The following EVA1C variants were observed in gnomAD, a reference collection of about 807,000 sequenced individuals.
EVA1C encodes the protein eva-1 homolog C, also known as protein eva-1 homolog C.
EVA1C carries 25 observed loss-of-function variants against 45.4 expected under a neutral mutation model. The ratio of observed to expected loss-of-function variants is 0.55; its 90% CI spans 0.40 to 0.77. The LOEUF (loss-of-function observed/expected upper bound fraction) is 0.77, where lower values mean the gene tolerates loss of function less well. EVA1C is among the 30% of genes least tolerant of loss of function. The pLI is 0.00. For missense variants in EVA1C, 479 were observed against 554.8 expected (o/e 0.86, Z 1.37); for synonymous variants, 190 against 221.2 (o/e 0.86, Z 1.25).
intron 1 of EVA1C, among the ~76,000 whole-genome samples, chr21:32,447,961 T>C (rs1312252247): frequency 6.6e-6 from 1 of 152,174 alleles, no homozygotes; most frequent in Non-Finnish European, 1.5e-5. Flanking sequence ...TGCCTCGGCC[T>C]CCCAAAGTGC....
chr21:32,438,238 T>C (rs965267639), intron 1 of EVA1C, among the ~76,000 whole-genome samples: 3 of 152,216 alleles, frequency 2.0e-5, no homozygotes, highest in African/African-American at 7.2e-5. Flanking sequence ...GGCTTACACC[T>C]GTAATCCCAG....
chr21:32,457,061 T>G (rs1379145970), intron 2 of EVA1C, among the ~76,000 whole-genome samples: 1 of 152,188 alleles, frequency 6.6e-6, no homozygotes, highest in African/African-American at 2.4e-5. Context: ...TTTGTAATTT[T>G]TATTTTTTGG....
chr21:32,471,763 G>A (rs1025557518), intron 4 of EVA1C, among the ~76,000 whole-genome samples: 1 of 151,648 alleles, frequency 6.6e-6, no homozygotes, highest in East Asian at 1.9e-4. Flanking sequence ...CGAGTAACTC[G>A]AACTACAGGT....
intron 5 of EVA1C, chr21:32,497,318 T>A (rs190790516): frequency 5.9e-5 from 38 of 642,200 alleles, no homozygotes; most frequent in Non-Finnish European, 8.5e-5. Context: ...TTGATATAGG[T>A]GGACTTTTTT....
chr21:32,491,671 G>A (rs540588248), intron 4 of EVA1C, among the ~76,000 whole-genome samples: 4 of 122,946 alleles, frequency 3.3e-5, no homozygotes, highest in South Asian at 5.8e-4. Flanking sequence ...GTGACAGAGC[G>A]AGACTCTGTC....
chr21:32,444,056 ACAC>A (rs1484563905), intron 1 of EVA1C, among the ~76,000 whole-genome samples: 8 of 57,252 alleles, frequency 1.4e-4, no homozygotes, highest in African/African-American at 1.4e-3. Flanking sequence ...GTGTGAAAAC[ACAC>A]ACACACACAC....
chr21:32,476,352 T>G (rs995095712), intron 4 of EVA1C, among the ~76,000 whole-genome samples: 3 of 151,956 alleles, frequency 2.0e-5, no homozygotes, highest in African/African-American at 7.2e-5. Context: ...ATAGGGAAGT[T>G]CAAGAGGGGC....
intron 1 of EVA1C, among the ~76,000 whole-genome samples, chr21:32,448,034 C>T (rs767298726): frequency 6.6e-6 from 1 of 152,174 alleles, no homozygotes; most frequent in Non-Finnish European, 1.5e-5. Flanking sequence ...CTTTTCCGAA[C>T]AAGCTTCTGT....
chr21:32,511,044 CCTCTCT>C (rs887282061), intron 7 of EVA1C, among the ~76,000 whole-genome samples: 5 of 104,784 alleles, frequency 4.8e-5, no homozygotes, highest in Admixed American at 8.6e-5. Context: ...TCTCTCTCTC[CCTCTCT>C]CTCTCTCTAT....
chr21:32,436,213 G>A (rs934270223), intron 1 of EVA1C, among the ~76,000 whole-genome samples: 2 of 152,062 alleles, frequency 1.3e-5, no homozygotes, highest in South Asian at 2.1e-4. Flanking sequence ...ACAGGAGCCC[G>A]TCACCACACC....
intron 4 of EVA1C, among the ~76,000 whole-genome samples, chr21:32,488,587 CTT>C (rs1555872653): frequency 6.8e-6 from 1 of 148,046 alleles, no homozygotes; most frequent in Non-Finnish European, 1.5e-5. Flanking sequence ...AGCTGTTGGC[CTT>C]TTTTTTTTTT....
chr21:32,442,489 AC>A (rs2035212475), intron 1 of EVA1C, among the ~76,000 whole-genome samples: 1 of 152,020 alleles, frequency 6.6e-6, no homozygotes, highest in African/African-American at 2.4e-5. Flanking sequence ...CCACCCCCCA[AC>A]CCCATGCCAT....
intron 4 of EVA1C, among the ~76,000 whole-genome samples, chr21:32,482,608 T>C (rs2036826175): frequency 6.6e-6 from 1 of 152,200 alleles, no homozygotes; most frequent in African/African-American, 2.4e-5. Flanking sequence ...TACCATTTAA[T>C]ATTTATTGAG....
intron 5 of EVA1C, among the ~76,000 whole-genome samples, chr21:32,497,677 G>T (rs1243509510): frequency 6.6e-6 from 1 of 152,108 alleles, no homozygotes; most frequent in Non-Finnish European, 1.5e-5. Context: ...TCACACTGCT[G>T]ATAAAGACAT....
At chr21:32,429,470 C>T (rs1326899755) in intron 1 of EVA1C, among the ~76,000 whole-genome samples, 4 of 152,046 alleles carry the variant, frequency 2.6e-5, no homozygotes, top group African/African-American at 9.7e-5. Flanking sequence ...TCTCCTGCCT[C>T]AGCCTCCTGA....
chr21:32,491,987 T>A (rs1279329031), intron 4 of EVA1C, among the ~76,000 whole-genome samples: 1 of 152,038 alleles, frequency 6.6e-6, no homozygotes, highest in Non-Finnish European at 1.5e-5. Flanking sequence ...TGGGACTGAA[T>A]GGAGTGTGCA....
At chr21:32,454,599 G>C (rs1418167131) in intron 2 of EVA1C, among the ~76,000 whole-genome samples, 2 of 135,368 alleles carry the variant, frequency 1.5e-5, no homozygotes, top group East Asian at 2.5e-4. Flanking sequence ...ACTTGGCCTT[G>C]GATTTTTTTT....
chr21:32,456,791 C>A (rs866013193), intron 2 of EVA1C, among the ~76,000 whole-genome samples: 1 of 152,084 alleles, frequency 6.6e-6, no homozygotes, highest in African/African-American at 2.4e-5. Context: ...CATTTGGGAA[C>A]GAGGACCTAG....
At chr21:32,458,728 G>T (rs142881356) in intron 3 of EVA1C, among the ~76,000 whole-genome samples, 1 of 152,070 alleles carries the variant, frequency 6.6e-6, no homozygotes, top group Non-Finnish European at 1.5e-5. Context: ...TGATCCACCC[G>T]TCTTGGCCTC....
Sources: allele counts gnomAD v4.1 joint callset (sites outside exome capture counted in the v4.1 genomes callset), GRCh38; gene constraint gnomAD v4.1.1; transcripts MANE v1.5; gene names NCBI Gene and HGNC (gene_info 2026-07-23, HGNC 2026-07-21).